GLI2: variants seen among roughly 807,000 people sequenced by gnomAD.
GLI2 encodes GLI family zinc finger 2, also known as transcription activator GLI2.
Under a neutral mutation model 78.9 loss-of-function variants are expected in GLI2, and 22 were observed. That is an observed-to-expected ratio of 0.28 (90% confidence interval 0.20 to 0.40). The LOEUF is 0.40. GLI2 is among the 10% of genes least tolerant of loss of function. The pLI, the probability that GLI2 is intolerant of heterozygous loss-of-function variation, is 1.00. For missense variants in GLI2, 2,097 were observed against 2,213.2 expected, an observed-to-expected ratio of 0.95 and a Z score of 1.05; for synonymous variants, 974 against 963.7, an observed-to-expected ratio of 1.01 and a Z score of -0.20.
chr2:120,960,737 C>G (rs1029067277), intron 5 of GLI2, among the ~76,000 whole-genome samples: 11 of 152,180 alleles, frequency 7.2e-5, no homozygotes, highest in Non-Finnish European at 1.2e-4. Context: ...GAGGCCTCTA[C>G]GGGGCTCTTG....
At chr2:120,830,042 G>T (rs1192557822) in intron 2 of GLI2, among the ~76,000 whole-genome samples, 1 of 152,198 alleles carries the variant, frequency 6.6e-6, no homozygotes. Flanking sequence ...AAGCGCCTTG[G>T]GTGAAAAGTG....
chr2:120,909,833 C>A (rs1194763826), intron 2 of GLI2, among the ~76,000 whole-genome samples: 9 of 152,196 alleles, frequency 5.9e-5, no homozygotes, highest in Admixed American at 4.6e-4. Flanking sequence ...CCACTGCACT[C>A]CGGCCTGGGC....
chr2:120,874,585 A>C (rs1688637168), intron 2 of GLI2, among the ~76,000 whole-genome samples: 1 of 152,186 alleles, frequency 6.6e-6, no homozygotes, highest in Admixed American at 6.5e-5. Flanking sequence ...TACGGGTGGC[A>C]TCTATCATCC....
intron 2 of GLI2, among the ~76,000 whole-genome samples, chr2:120,854,651 C>T (rs759083550): frequency 1.2e-4 from 18 of 152,206 alleles, no homozygotes; most frequent in Non-Finnish European, 1.6e-4. Context: ...GCCTGGGACA[C>T]GCCTGAAGAT....
chr2:120,967,589 T>C (rs1681920475), intron 5 of GLI2, among the ~76,000 whole-genome samples: 1 of 152,220 alleles, frequency 6.6e-6, no homozygotes, highest in African/African-American at 2.4e-5. Flanking sequence ...TCCACAGTTA[T>C]GTAGGTGTGC....
At chr2:120,793,173 CA>C (rs1252251472) in intron 1 of GLI2, among the ~76,000 whole-genome samples, 1 of 152,268 alleles carries the variant, frequency 6.6e-6, no homozygotes, top group Non-Finnish European at 1.5e-5. Context: ...TCCTAACGGA[CA>C]GGGGGCTTCT....
chr2:120,986,709 C>G (rs1014505281), intron 13 of GLI2, 95 bp downstream of exon 13: 1 of 964,428 alleles, frequency 1.0e-6, no homozygotes, highest in Non-Finnish European at 1.6e-6. Flanking sequence ...GCTATCTCAC[C>G]GGATTCCTAC....
At position 120,825,673 on chromosome 2, in the gene GLI2, C is replaced by T. The variant is rs141838212; in HGVS notation, c.148+28205C>T. Reference sequence around the variant, plus strand: ...GTGAGTGTGCACCTGGCTGTAAGCTCCTTCTGCCCAGATGCCTGTCCTTTG... The same window carrying T: ...GTGAGTGTGCACCTGGCTGTAAGCTTCTTCTGCCCAGATGCCTGTCCTTTG... On this transcript the variant is annotated intron_variant, in intron 2 of 13. Coordinates refer to ENST00000361492, the MANE Select transcript of GLI2 (RefSeq NM_001374353.1). Among the ~76,000 whole-genome samples the T allele has an allele frequency of 3.0e-3, 458 of 152,310 alleles. 3 individuals are homozygous for T. Among genetic ancestry groups the T allele is most frequent in the African/African-American group, 0.011 (438 of 41,570 alleles).
intron 2 of GLI2, among the ~76,000 whole-genome samples, chr2:120,844,405 G>A (rs573198705): frequency 6.6e-6 from 1 of 152,136 alleles, no homozygotes; most frequent in Non-Finnish European, 1.5e-5. Flanking sequence ...GCCCTACTTG[G>A]GTACAAGCTC....
At chr2:120,950,820 G>A (rs368149465) in intron 3 of GLI2, among the ~76,000 whole-genome samples, 2 of 152,108 alleles carry the variant, frequency 1.3e-5, no homozygotes, top group Non-Finnish European at 2.9e-5. Context: ...AGCTCTTTGC[G>A]TTTTACCCGT....
At chr2:120,776,504 A>T (rs1046123261) in intron 1 of GLI2, among the ~76,000 whole-genome samples, 1 of 151,968 alleles carries the variant, frequency 6.6e-6, no homozygotes, top group Admixed American at 6.5e-5. Flanking sequence ...CTCTGCCTCG[A>T]GCCCTTTCCT....
chr2:120,978,408 C>G, intron 9 of GLI2, 26 bp from the exon 10 acceptor site: 1 of 1,613,954 alleles, frequency 6.2e-7, no homozygotes, highest in Non-Finnish European at 8.5e-7. Flanking sequence ...CCTGCTTACC[C>G]TCTTCTGGGC....
chr2:120,953,794 T>C (rs951595226), intron 4 of GLI2, among the ~76,000 whole-genome samples: 11 of 152,214 alleles, frequency 7.2e-5, no homozygotes, highest in African/African-American at 2.4e-4. Context: ...AAGCCTGCAG[T>C]GAGCTAGGAT....
At chr2:120,930,944 AAGGGG>A (rs1679918460) in intron 3 of GLI2, among the ~76,000 whole-genome samples, 2 of 152,124 alleles carry the variant, frequency 1.3e-5, no homozygotes, top group African/African-American at 2.4e-5. Context: ...GCACTTGGAG[AAGGGG>A]GCCGTGGATG....
chr2:120,985,826 C>G (rs1424200033), intron 12 of GLI2, among the ~76,000 whole-genome samples: 1 of 152,192 alleles, frequency 6.6e-6, no homozygotes, highest in East Asian at 1.9e-4. Context: ...CCCACAGGTC[C>G]CCCTCCTGGT....
In GLI2 at chr2:120,921,634, C is replaced by T. The variant is rs555408543; in HGVS notation, c.149-5727C>T. ...TCCCCAAAGTCCCATGGCCACCTAG[C>T]GGCAGGGCCAGTCTGGGATTCCTGG... On this transcript the variant is annotated intron_variant, in intron 2 of 13. Transcript: ENST00000361492. Among the ~76,000 whole-genome samples, 7 of 152,300 alleles carry T rather than the reference C, an allele frequency of 4.6e-5. No individual in the cohort carries two copies. In the Middle Eastern group the frequency reaches 0.01, roughly 222 times the overall value.
At chr2:120,826,995 G>A (rs1387067098) in intron 2 of GLI2, among the ~76,000 whole-genome samples, 2 of 152,164 alleles carry the variant, frequency 1.3e-5, no homozygotes, top group African/African-American at 4.8e-5. Context: ...CCACCATTTC[G>A]CTTTCACTGT....
chr2:120,908,657 G>A (rs1678662838), intron 2 of GLI2, among the ~76,000 whole-genome samples: 1 of 152,130 alleles, frequency 6.6e-6, no homozygotes, highest in Non-Finnish European at 1.5e-5. Flanking sequence ...GGGCCCCCTG[G>A]CTCCAGCCCC....
intron 2 of GLI2, among the ~76,000 whole-genome samples, chr2:120,818,006 G>T (rs1466006237): frequency 6.6e-6 from 1 of 152,202 alleles, no homozygotes; most frequent in East Asian, 1.9e-4. Context: ...CCTCACATGG[G>T]ATTTGATGGG....
Sources: gnomAD v4.1 joint callset for allele counts (sites outside exome capture counted in the v4.1 genomes callset) on GRCh38, gnomAD v4.1.1 for gene constraint, MANE v1.5 for transcripts, NCBI Gene and HGNC (gene_info 2026-07-23, HGNC 2026-07-21) for gene names.